Variants in RBFOX3 observed in about 807,000 individuals in gnomAD.
The protein encoded by RBFOX3 is RNA binding fox-1 homolog 3.
In RBFOX3, 17 loss-of-function variants were observed where a neutral mutation model predicts 48.7. The observed-to-expected ratio is 0.35, with a 90% CI of 0.24 to 0.52. RBFOX3 has a LOEUF of 0.52. RBFOX3 is among the 20% of genes least tolerant of loss of function. The probability of loss-of-function intolerance (pLI) is 0.94; values close to 1 mark genes in which losing one functional copy is unlikely to be tolerated. For synonymous variants in RBFOX3, 212 were observed against 209.5 expected (o/e 1.01, Z -0.10); for missense variants, 382 against 497.5 (o/e 0.77, Z 2.21).
intron 1 of RBFOX3, among the ~76,000 whole-genome samples, chr17:79,502,610 T>C (rs1174940177): frequency 2.0e-5 from 3 of 152,250 alleles, no homozygotes; most frequent in Admixed American, 6.5e-5. Flanking sequence ...CAGGAACATT[T>C]ATCTCATGCC....
At chr17:79,612,003 A>T (rs949160315), upstream of RBFOX3, among the ~76,000 whole-genome samples, 11 of 152,146 alleles carry the variant, frequency 7.2e-5, no homozygotes, top group Non-Finnish European at 1.3e-4. Flanking sequence ...TCCTTGGTGC[A>T]GAGGGAGCAG....
chr17:79,493,364 C>T (rs759986834), intron 1 of RBFOX3, among the ~76,000 whole-genome samples: 324 of 152,258 alleles, frequency 2.1e-3, no homozygotes, highest in Non-Finnish European at 3.1e-3. Context: ...ACATCCAAAC[C>T]GTATCAAGAG....
intron 4 of RBFOX3, among the ~76,000 whole-genome samples, chr17:79,230,903 G>A (rs2147770140): frequency 6.6e-6 from 1 of 152,230 alleles, no homozygotes. Context: ...TCTGCTTCTG[G>A]TCAAGATGGA....
intron 4 of RBFOX3, among the ~76,000 whole-genome samples, chr17:79,216,460 G>C (rs570479569): frequency 6.6e-6 from 1 of 152,142 alleles, no homozygotes; most frequent in East Asian, 1.9e-4. Context: ...GAGGGGTGGG[G>C]CATTGTAGGA....
At chr17:79,365,578 C>T (rs1349279380) in intron 2 of RBFOX3, among the ~76,000 whole-genome samples, 4 of 152,270 alleles carry the variant, frequency 2.6e-5, no homozygotes, top group African/African-American at 7.2e-5. Flanking sequence ...TGAGTGCCCA[C>T]TGAAGCCGGC....
chr17:79,663,559 T>C, the RBFOX3 span, among the ~76,000 whole-genome samples: 1 of 152,314 alleles, frequency 6.6e-6, no homozygotes, highest in Admixed American at 6.5e-5. Context: ...TGCCCCCACA[T>C]ACCTGTTCCT....
chr17:79,386,917 G>A (rs2060638067), intron 2 of RBFOX3, among the ~76,000 whole-genome samples: 1 of 152,218 alleles, frequency 6.6e-6, no homozygotes, highest in Non-Finnish European at 1.5e-5. Context: ...TGGGAAGACA[G>A]GTCTACTTAT....
intron 1 of RBFOX3, among the ~76,000 whole-genome samples, chr17:79,608,962 G>T (rs1432589330): frequency 4.4e-5 from 4 of 89,986 alleles, no homozygotes; most frequent in Non-Finnish European, 6.5e-5. Flanking sequence ...CCACCCCGCC[G>T]GCGCTCAGTG....
At chr17:79,336,285 G>A (rs1232005727) in intron 2 of RBFOX3, among the ~76,000 whole-genome samples, 1 of 152,140 alleles carries the variant, frequency 6.6e-6, no homozygotes, top group African/African-American at 2.4e-5. Flanking sequence ...TACTCAGGAG[G>A]CTGAGGCAGG....
chr17:79,656,119 C>G, the RBFOX3 span, among the ~76,000 whole-genome samples: 15 of 152,298 alleles, frequency 9.8e-5, no homozygotes, highest in South Asian at 3.1e-3. Context: ...GTCCTTGTCA[C>G]AGCTCTGCTC....
chr17:79,156,980 C>T (rs1361367370), intron 4 of RBFOX3, among the ~76,000 whole-genome samples: 1 of 152,198 alleles, frequency 6.6e-6, no homozygotes, highest in Non-Finnish European at 1.5e-5. Flanking sequence ...AGCTACAGAG[C>T]CACACTGTCT....
At chr17:79,091,365 A>G (rs1444305534) in intron 14 of RBFOX3, among the ~76,000 whole-genome samples, 1 of 152,216 alleles carries the variant, frequency 6.6e-6, no homozygotes, top group Non-Finnish European at 1.5e-5. Flanking sequence ...TTTCCCTGTC[A>G]TGGAGGTACA....
intron 4 of RBFOX3, among the ~76,000 whole-genome samples, chr17:79,138,710 CA>C (rs66610531): frequency 0.14 from 808 of 5,940 alleles, 71 homozygotes; most frequent in Middle Eastern, 0.17. Context: ...CATGCGTTCA[CA>C]CCCCCTCACC....
chr17:79,506,577 C>T (rs1051863733), intron 1 of RBFOX3, among the ~76,000 whole-genome samples: 19 of 152,202 alleles, frequency 1.2e-4, no homozygotes, highest in Admixed American at 9.8e-4. Flanking sequence ...CCTCTCAGGC[C>T]ATGACCGGGG....
At chr17:79,501,729 C>A (rs891168092) in intron 1 of RBFOX3, among the ~76,000 whole-genome samples, 48 of 152,350 alleles carry the variant, frequency 3.2e-4, no homozygotes, top group Non-Finnish European at 6.5e-4. Flanking sequence ...CCTTCAAAGC[C>A]TCACTGTCAA....
chr17:79,491,482 C>T (rs1268305729), intron 1 of RBFOX3, among the ~76,000 whole-genome samples: 2 of 151,876 alleles, frequency 1.3e-5, no homozygotes, highest in African/African-American at 2.4e-5. Flanking sequence ...AGGGAGGTGG[C>T]CCAGGTGATC....
intron 2 of RBFOX3, among the ~76,000 whole-genome samples, chr17:79,429,539 C>T (rs2148864246): frequency 6.6e-6 from 1 of 152,212 alleles, no homozygotes; most frequent in African/African-American, 2.4e-5. Context: ...CTCAGTCCCT[C>T]ACTAAGAAGC....
chr17:79,343,540 C>A lies in RBFOX3; in HGVS notation c.-174-35716G>T, dbSNP rs374395896. Among the ~76,000 whole-genome samples, 126 of 151,894 alleles carry A rather than the reference C, an allele frequency of 8.3e-4. 2 individuals are homozygous for A. Among genetic ancestry groups the A allele is most frequent in the Middle Eastern group, 3.4e-3 (1 of 294 alleles). On this transcript the variant is annotated intron_variant, in intron 2 of 14. Coordinates refer to ENST00000693108, the MANE Select transcript of RBFOX3 (RefSeq NM_001350451.2). ...TCAAAAGAAAAAACAAACAAACAAA[C>A]AAAAAAACCCAAAAACACTGGAGGA...
chr17:79,222,416 G>C (rs1342511589), intron 4 of RBFOX3, among the ~76,000 whole-genome samples: 1 of 152,198 alleles, frequency 6.6e-6, no homozygotes, highest in African/African-American at 2.4e-5. Flanking sequence ...TGTCTAAGCT[G>C]GGATGGCAGG....
Sources: allele counts gnomAD v4.1 joint callset (sites outside exome capture counted in the v4.1 genomes callset), GRCh38; gene constraint gnomAD v4.1.1; transcripts MANE v1.5; gene names NCBI Gene and HGNC (gene_info 2026-07-23, HGNC 2026-07-21).